Variants in TANC1 observed in about 807,000 individuals in gnomAD.
TANC1 encodes tetratricopeptide repeat, ankyrin repeat and coiled-coil containing 1, also known as protein TANC1.
In TANC1, 77 loss-of-function variants were observed where a neutral mutation model predicts 149.7. The ratio of observed to expected loss-of-function variants is 0.51; its 90% confidence interval spans 0.43 to 0.62. TANC1 has a LOEUF of 0.62. Ranked by LOEUF, TANC1 falls within the 20% of genes least tolerant of loss-of-function variation. The probability of loss-of-function intolerance (pLI) is 0.00; values close to 1 mark genes in which losing one functional copy is unlikely to be tolerated. For missense variants in TANC1, 1,985 were observed against 2,321.8 expected (o/e 0.85, Z 2.98); for synonymous variants, 854 against 925.0 (o/e 0.92, Z 1.39).
At chr2:159,169,502 C>CACACCTCACAG in intron 9 of TANC1, 130 bp downstream of exon 9, 1 of 992,182 alleles carries the variant, frequency 1.0e-6, no homozygotes, top group Non-Finnish European at 1.5e-6. Flanking sequence ...GTGCTAAAAG[C>CACACCTCACAG]ATATCTGTGA....
chr2:159,185,740 G>A (rs2056911289), intron 14 of TANC1, 51 bp from the exon 15 acceptor site: 3 of 1,292,662 alleles, frequency 2.3e-6, no homozygotes, highest in African/African-American at 1.5e-5. Flanking sequence ...TGGGTCTGCG[G>A]TGTGGTGGAA....
intron 19 of TANC1, among the ~76,000 whole-genome samples, chr2:159,204,750 TAA>T (rs750868130): frequency 4.6e-5 from 7 of 152,230 alleles, no homozygotes; most frequent in Non-Finnish European, 1.0e-4. Flanking sequence ...GTTTTTATGT[TAA>T]GTCAGTAATA....
At chr2:159,092,304 C>A (rs538906039) in intron 3 of TANC1, among the ~76,000 whole-genome samples, 1 of 152,258 alleles carries the variant, frequency 6.6e-6, no homozygotes, top group South Asian at 2.1e-4. Flanking sequence ...ACTTTCATCT[C>A]CTTGCCTTCG....
intron 2 of TANC1, among the ~76,000 whole-genome samples, chr2:159,054,293 A>T (rs2041687970): frequency 6.6e-6 from 1 of 152,104 alleles, no homozygotes; most frequent in Non-Finnish European, 1.5e-5. Context: ...CCTTCCTCAG[A>T]CGGTGGTTGT....
At position 159,230,413 on chromosome 2, in the gene TANC1, T is replaced by A. The variant is rs752260083; in HGVS notation, c.4987T>A (p.Ser1663Thr). Residue 1663 changes from serine (S) to threonine (T), a missense_variant, in exon 27 of 27, where the codon TCA becomes ACA. Ser to Thr is a moderately conservative substitution (Grantham distance 58). This residue lies in a region of TANC1 where 920 missense variants were observed against 994.7 expected (regional missense o/e 0.92). Transcript: ENST00000263635. The surrounding 1 kb of genome is among the most constrained non-coding windows in gnomAD (Gnocchi z 4.4). ...DVRHPASLTS[S>T]GSSGSPSSSI... ...GCGACACCCAGCTTCCCTCACCAGC[T>A]CAGGCTCTTCTGGTTCTCCATCCAG... 1.9e-5 allele frequency: 30 copies of A among 1,614,158 alleles called. No individual in the cohort carries two copies. The highest frequency in any genetic ancestry group is 2.5e-5 in the Non-Finnish European group (30 of 1,180,044).
At chr2:159,163,930 A>G (rs1559374522) in intron 8 of TANC1, among the ~76,000 whole-genome samples, 1 of 152,232 alleles carries the variant, frequency 6.6e-6, no homozygotes, top group Non-Finnish European at 1.5e-5. Context: ...TCTTCTTACC[A>G]AACTTACAAA....
At chr2:159,118,355 T>C (rs2048511127) in intron 4 of TANC1, among the ~76,000 whole-genome samples, 1 of 151,788 alleles carries the variant, frequency 6.6e-6, no homozygotes, top group Non-Finnish European at 1.5e-5. Flanking sequence ...ACCATGAGAG[T>C]GGAGGATCTA....
At chr2:159,131,486 G>A (rs1237750241) in intron 4 of TANC1, among the ~76,000 whole-genome samples, 7 of 152,054 alleles carry the variant, frequency 4.6e-5, no homozygotes, top group East Asian at 1.9e-4. Context: ...GCTCTGGCCC[G>A]GGCTGAGCCC....
chr2:159,182,311 A>T (rs929504570), intron 14 of TANC1, among the ~76,000 whole-genome samples: 39 of 152,222 alleles, frequency 2.6e-4, no homozygotes, highest in Admixed American at 9.8e-4. Context: ...GAAGTATGTT[A>T]AATTGTAAAC....
chr2:159,033,946 A>AAAAAAC (rs1191163216), intron 2 of TANC1, among the ~76,000 whole-genome samples: 5 of 152,212 alleles, frequency 3.3e-5, no homozygotes, highest in Non-Finnish European at 7.3e-5. Flanking sequence ...GATCCTCAGT[A>AAAAAAC]AAAAACAAAA....
At chr2:158,980,724 G>A (rs1317646617) in intron 1 of TANC1, among the ~76,000 whole-genome samples, 4 of 149,748 alleles carry the variant, frequency 2.7e-5, no homozygotes, top group African/African-American at 4.9e-5. Context: ...GCAGTGAGCC[G>A]AGATCATGCC....
intron 4 of TANC1, among the ~76,000 whole-genome samples, chr2:159,130,242 T>G (rs147564883): frequency 6.6e-4 from 101 of 152,324 alleles, no homozygotes; most frequent in African/African-American, 2.4e-3. Flanking sequence ...AATATCATGC[T>G]TTCTGGGTAA....
At chr2:159,119,131 G>A (rs569377866) in intron 4 of TANC1, among the ~76,000 whole-genome samples, 3 of 152,322 alleles carry the variant, frequency 2.0e-5, no homozygotes, top group African/African-American at 7.2e-5. Context: ...AGATTGGGCA[G>A]TTATTTTAAT....
At chr2:159,077,570 C>T (rs1316878723) in intron 3 of TANC1, among the ~76,000 whole-genome samples, 1 of 152,132 alleles carries the variant, frequency 6.6e-6, no homozygotes, top group Non-Finnish European at 1.5e-5. Flanking sequence ...TAAGAAACCC[C>T]ACATGGACTT....
At chr2:159,199,580 G>A (rs1191909613) in intron 19 of TANC1, among the ~76,000 whole-genome samples, 1 of 152,250 alleles carries the variant, frequency 6.6e-6, no homozygotes, top group African/African-American at 2.4e-5. Flanking sequence ...TTTACAGTGA[G>A]AAGCCTGGGC....
intron 4 of TANC1, among the ~76,000 whole-genome samples, chr2:159,120,208 G>A (rs2048705036): frequency 1.3e-5 from 2 of 152,194 alleles, no homozygotes; most frequent in Non-Finnish European, 2.9e-5. Context: ...AATAGTGTAT[G>A]TGCTGTGGGG....
At chr2:159,173,099 G>T (rs2055431826) in intron 11 of TANC1, among the ~76,000 whole-genome samples, 1 of 151,996 alleles carries the variant, frequency 6.6e-6, no homozygotes. Flanking sequence ...TTTGAGATGA[G>T]TGATGTAGTG....
chr2:158,980,774 C>G (rs75734301), intron 1 of TANC1, among the ~76,000 whole-genome samples: 1 of 109,776 alleles, frequency 9.1e-6, no homozygotes, highest in Non-Finnish European at 2.0e-5. Context: ...GACTCCATCT[C>G]AAAAAAAAAA....
At chr2:159,014,342 G>A (rs1346553367) in intron 2 of TANC1, among the ~76,000 whole-genome samples, 2 of 152,170 alleles carry the variant, frequency 1.3e-5, no homozygotes, top group Non-Finnish European at 2.9e-5. Context: ...AAGATTCTGT[G>A]AGACTTACTC....
Sources: allele counts gnomAD v4.1 joint callset (sites outside exome capture counted in the v4.1 genomes callset), GRCh38; gene constraint gnomAD v4.1.1; regional missense constraint gnomAD v4.1.1; non-coding constraint Gnocchi (gnomAD v3.1); transcripts MANE v1.5; gene names NCBI Gene and HGNC (gene_info 2026-07-23, HGNC 2026-07-21).